EML4: variants seen among roughly 807,000 people sequenced by gnomAD.
EML4 encodes echinoderm microtubule-associated protein-like 4.
EML4 carries 72 observed loss-of-function variants against 129.0 expected under a neutral mutation model. That is an observed-to-expected ratio of 0.56 (90% CI 0.46 to 0.68). EML4 has a LOEUF of 0.68. Among genes scored for constraint, EML4 ranks in the 30% least tolerant of loss-of-function variants. The pLI, the probability that EML4 is intolerant of heterozygous loss-of-function variation, is 0.00. For synonymous variants in EML4, 532 were observed against 405.0 expected, an observed-to-expected ratio of 1.31 and a Z score of -3.77; for missense variants, 1,363 against 1,190.6, an observed-to-expected ratio of 1.14 and a Z score of -2.13.
intron 1 of EML4, among the ~76,000 whole-genome samples, chr2:42,211,984 A>G (rs1672912065): frequency 6.6e-6 from 1 of 152,102 alleles, no homozygotes; most frequent in Admixed American, 6.5e-5. Flanking sequence ...AGCTAGGACT[A>G]CAGGTTCATG....
intron 16 of EML4, among the ~76,000 whole-genome samples, chr2:42,303,750 C>T (rs970482885): frequency 1.3e-5 from 2 of 152,016 alleles, no homozygotes; most frequent in Non-Finnish European, 2.9e-5. Flanking sequence ...ACGGTGAAGC[C>T]CTGTCTCTAG....
intron 1 of EML4, among the ~76,000 whole-genome samples, chr2:42,238,785 G>A (rs1674842795): frequency 6.6e-6 from 1 of 151,992 alleles, no homozygotes; most frequent in Admixed American, 6.6e-5. Context: ...TTAAAAAATT[G>A]TTATTTATTT....
intron 1 of EML4, among the ~76,000 whole-genome samples, chr2:42,178,788 C>A (rs1349478336): frequency 6.6e-6 from 1 of 152,178 alleles, no homozygotes; most frequent in Non-Finnish European, 1.5e-5. Context: ...TACACTCAAA[C>A]CATTGCACTA....
At chr2:42,193,746 C>G (rs1354184287) in intron 1 of EML4, among the ~76,000 whole-genome samples, 1 of 151,728 alleles carries the variant, frequency 6.6e-6, no homozygotes, top group Non-Finnish European at 1.5e-5. Context: ...TGTGCAGCAG[C>G]ACAATCATGG....
chr2:42,306,934 A>G (rs978381019), intron 17 of EML4, among the ~76,000 whole-genome samples: 2 of 152,174 alleles, frequency 1.3e-5, no homozygotes, highest in South Asian at 2.1e-4. Flanking sequence ...CATGGTTCCA[A>G]AGCTTGTCCT....
chr2:42,281,618 T>C (rs1055786817), intron 7 of EML4, among the ~76,000 whole-genome samples: 15 of 152,134 alleles, frequency 9.9e-5, no homozygotes, highest in African/African-American at 3.6e-4. Context: ...ATAAAAGGGG[T>C]TAATTAATAA....
intron 6 of EML4, among the ~76,000 whole-genome samples, chr2:42,270,116 T>G (rs1388172494): frequency 7.9e-5 from 12 of 152,240 alleles, no homozygotes; most frequent in Admixed American, 7.2e-4. Context: ...GGTCTCAGTT[T>G]CCTTACACAT....
chr2:42,278,208 G>C (rs1256280852), intron 6 of EML4, among the ~76,000 whole-genome samples: 2 of 152,168 alleles, frequency 1.3e-5, no homozygotes, highest in Non-Finnish European at 2.9e-5. Context: ...GTTGTATGTA[G>C]GTCACTGGGA....
intron 3 of EML4, among the ~76,000 whole-genome samples, chr2:42,260,452 C>T (rs1447336379): frequency 2.6e-5 from 4 of 152,224 alleles, no homozygotes; most frequent in Non-Finnish European, 2.9e-5. Flanking sequence ...AGGCGTGAGC[C>T]AGTGCGCCCA....
chr2:42,261,355 A>T, intron 4 of EML4, 61 bp downstream of exon 4: 1 of 1,422,352 alleles, frequency 7.0e-7, no homozygotes. Flanking sequence ...AAATTCTGTG[A>T]CTTGGGAAAA....
intron 1 of EML4, among the ~76,000 whole-genome samples, chr2:42,228,603 T>G (rs1407301232): frequency 6.6e-6 from 1 of 152,224 alleles, no homozygotes; most frequent in Non-Finnish European, 1.5e-5. Context: ...ATGGCACTGC[T>G]TTAAAAAATT....
chr2:42,216,697 G>A (rs1254375630), intron 1 of EML4, among the ~76,000 whole-genome samples: 1 of 152,168 alleles, frequency 6.6e-6, no homozygotes, highest in Non-Finnish European at 1.5e-5. Flanking sequence ...ACATTTTAAA[G>A]ATTATTATAG....
chr2:42,214,238 G>A (rs910439347), intron 1 of EML4, among the ~76,000 whole-genome samples: 1 of 152,116 alleles, frequency 6.6e-6, no homozygotes, highest in African/African-American at 2.4e-5. Context: ...AAAAATTTAT[G>A]TCTAGTACAT....
At position 42,261,188 on chromosome 2, in the gene EML4, GATCA is replaced by G. The variant is rs773808147; in HGVS notation, c.408_411del (p.Asp136GlufsTer36). ...AAAAAAAGAGGAATCTCATTCTAAT[GATCA>G]AAGTCCACAAATTCGAGCATCACCT... is the stretch of plus-strand genomic sequence containing the variant. On this transcript the variant is annotated frameshift_variant, in exon 4 of 23. Coordinates refer to ENST00000318522, the MANE Select transcript of EML4 (RefSeq NM_019063.5). LOFTEE classifies it high-confidence loss of function. The G allele has an allele frequency of 6.2e-7, 1 of 1,613,622 alleles. No homozygotes were observed. Among genetic ancestry groups the G allele is most frequent in the Non-Finnish European group, 8.5e-7 (1 of 1,179,878 alleles).
At position 42,330,936 on chromosome 2, in the gene EML4, A is replaced by T. The variant is rs767185217; in HGVS notation, c.*729A>T. 2 of 204,190 alleles carry T rather than the reference A, an allele frequency of 9.8e-6. No homozygotes were observed. The highest frequency in any genetic ancestry group is 2.3e-5 in the African/African-American group (1 of 43,700). 12.6% of individuals were successfully genotyped at this position (204,190 alleles called of 1,614,324 possible). ...GTTTGTTAAAGAGCTTTCAATGTATATTAAAACCTTCAATACTCAGAAATG... is the reference window on the plus strand; with the variant it reads ...GTTTGTTAAAGAGCTTTCAATGTATTTTAAAACCTTCAATACTCAGAAATG... On this transcript the variant is annotated 3_prime_UTR_variant, in exon 23 of 23. Transcript: ENST00000318522.
intron 17 of EML4, among the ~76,000 whole-genome samples, chr2:42,315,437 C>G (rs1572746385): frequency 2.0e-5 from 3 of 152,184 alleles, no homozygotes; most frequent in Admixed American, 1.3e-4. Context: ...AATGAATACC[C>G]AAATAGACAT....
At chr2:42,172,069 T>C (rs1393303094) in intron 1 of EML4, among the ~76,000 whole-genome samples, 2 of 152,190 alleles carry the variant, frequency 1.3e-5, no homozygotes, top group African/African-American at 4.8e-5. Flanking sequence ...CTTTTTTTTT[T>C]TTTAAACAAG....
chr2:42,219,658 C>T (rs1249363927), intron 1 of EML4, among the ~76,000 whole-genome samples: 1 of 152,054 alleles, frequency 6.6e-6, no homozygotes, highest in Non-Finnish European at 1.5e-5. Flanking sequence ...TGGCTCACGC[C>T]TGTAATCCCA....
chr2:42,251,255 C>T (rs1177986346), intron 2 of EML4, among the ~76,000 whole-genome samples: 1 of 152,122 alleles, frequency 6.6e-6, no homozygotes, highest in Non-Finnish European at 1.5e-5. Context: ...TCTAACAAAC[C>T]TAAACATAGA....
Sources: allele counts gnomAD v4.1 joint callset (sites outside exome capture counted in the v4.1 genomes callset), GRCh38; gene constraint gnomAD v4.1.1; transcripts MANE v1.5; gene names NCBI Gene and HGNC (gene_info 2026-07-23, HGNC 2026-07-21).